Variants in PPFIA2 observed in about 807,000 individuals in gnomAD.
The protein encoded by PPFIA2 is liprin-alpha-2.
Under a neutral mutation model 175.5 loss-of-function variants are expected in PPFIA2, and 46 were observed. The observed-to-expected ratio is 0.26, with a 90% CI of 0.21 to 0.34. PPFIA2 has a LOEUF of 0.34. PPFIA2 is among the 10% of genes least tolerant of loss of function. The probability of loss-of-function intolerance (pLI) is 1.00; values close to 1 mark genes in which losing one functional copy is unlikely to be tolerated. For missense variants in PPFIA2, 1,179 were observed against 1,506.1 expected, an observed-to-expected ratio of 0.78 and a Z score of 3.60; for synonymous variants, 568 against 511.4, an observed-to-expected ratio of 1.11 and a Z score of -1.49.
At chr12:81,530,146 T>C (rs1594557271) in intron 4 of PPFIA2, among the ~76,000 whole-genome samples, 1 of 152,136 alleles carries the variant, frequency 6.6e-6, no homozygotes, top group Middle Eastern at 3.4e-3. Context: ...CTTCATGCAT[T>C]GTCTGTCACT....
intron 3 of PPFIA2, among the ~76,000 whole-genome samples, chr12:81,711,035 A>T (rs893493537): frequency 6.6e-6 from 1 of 151,190 alleles, no homozygotes; most frequent in East Asian, 2.0e-4. Context: ...GTTCAAGACC[A>T]GCTTGGAAAC....
intron 4 of PPFIA2, among the ~76,000 whole-genome samples, chr12:81,519,614 A>C (rs1234818766): frequency 6.6e-6 from 1 of 152,206 alleles, no homozygotes; most frequent in Admixed American, 6.5e-5. Flanking sequence ...TAAGTGACCT[A>C]CAATATATCA....
chr12:81,429,015 C>G (rs2047633536), intron 7 of PPFIA2, among the ~76,000 whole-genome samples: 1 of 151,882 alleles, frequency 6.6e-6, no homozygotes, highest in African/African-American at 2.4e-5. Flanking sequence ...AACAAACAAA[C>G]AAAAAATCTC....
chr12:81,282,886 C>A, intron 26 of PPFIA2, 124 bp downstream of exon 26: 1 of 716,122 alleles, frequency 1.4e-6, no homozygotes, highest in Non-Finnish European at 2.4e-6. Context: ...TTTACCTATA[C>A]ACATCAGCCT....
chr12:81,521,814 T>C (rs2063180323), intron 4 of PPFIA2, among the ~76,000 whole-genome samples: 1 of 144,706 alleles, frequency 6.9e-6, no homozygotes, highest in South Asian at 2.2e-4. Context: ...AGCAACTCCA[T>C]CTCACAAAAA....
At chr12:81,728,004 A>T (rs1236922733) in intron 3 of PPFIA2, among the ~76,000 whole-genome samples, 1 of 151,480 alleles carries the variant, frequency 6.6e-6, no homozygotes, top group Non-Finnish European at 1.5e-5. Flanking sequence ...AAAGGAGACT[A>T]AAACAAATGC....
chr12:81,624,193 T>C (rs916084838), intron 4 of PPFIA2, among the ~76,000 whole-genome samples: 3 of 151,702 alleles, frequency 2.0e-5, no homozygotes, highest in African/African-American at 7.3e-5. Flanking sequence ...AAACCTTGTA[T>C]ATATAATCCA....
chr12:81,487,693 T>A (rs2058981642), intron 4 of PPFIA2, among the ~76,000 whole-genome samples: 1 of 151,720 alleles, frequency 6.6e-6, no homozygotes, highest in Non-Finnish European at 1.5e-5. Flanking sequence ...TCAGGCCCAC[T>A]CTTAGGATTC....
At chr12:81,385,390 A>T (rs1411162505) in intron 8 of PPFIA2, among the ~76,000 whole-genome samples, 4 of 152,152 alleles carry the variant, frequency 2.6e-5, no homozygotes, top group African/African-American at 9.6e-5. Flanking sequence ...TGTGGAAGAG[A>T]TATCTGCACT....
At chr12:81,280,174 C>T (rs951364520) in intron 27 of PPFIA2, among the ~76,000 whole-genome samples, 11 of 152,130 alleles carry the variant, frequency 7.2e-5, no homozygotes, top group Non-Finnish European at 1.5e-5. Flanking sequence ...TAAACACAGT[C>T]TAAACATGCC....
At chr12:81,326,799 CTTTT>C (rs2054878094) in intron 21 of PPFIA2, among the ~76,000 whole-genome samples, 3 of 151,866 alleles carry the variant, frequency 2.0e-5, no homozygotes, top group Non-Finnish European at 4.4e-5. Flanking sequence ...AAGGTATATA[CTTTT>C]TTTAATAAAA....
intron 4 of PPFIA2, among the ~76,000 whole-genome samples, chr12:81,665,838 T>C (rs2070113926): frequency 6.6e-6 from 1 of 151,856 alleles, no homozygotes; most frequent in Non-Finnish European, 1.5e-5. Flanking sequence ...ACCTACAGAA[T>C]GGGAGAAAAT....
intron 30 of PPFIA2, among the ~76,000 whole-genome samples, chr12:81,265,751 T>C (rs569855460): frequency 1.3e-5 from 2 of 152,304 alleles, no homozygotes; most frequent in South Asian, 4.1e-4. Flanking sequence ...TTCATTACTA[T>C]TAAGAAGCTA....
chr12:81,447,252 C>A (rs2051466449), intron 5 of PPFIA2, among the ~76,000 whole-genome samples: 1 of 152,102 alleles, frequency 6.6e-6, no homozygotes, highest in Non-Finnish European at 1.5e-5. Flanking sequence ...CTCTCAAATT[C>A]TTTAGATACA....
At chr12:81,731,567 T>C (rs2080914995) in intron 3 of PPFIA2, among the ~76,000 whole-genome samples, 1 of 151,680 alleles carries the variant, frequency 6.6e-6, no homozygotes, top group African/African-American at 2.4e-5. Context: ...ACATTTGCTT[T>C]TAAAGACACT....
At chr12:81,553,021 T>A (rs974536463) in intron 4 of PPFIA2, among the ~76,000 whole-genome samples, 22 of 141,852 alleles carry the variant, frequency 1.6e-4, no homozygotes, top group African/African-American at 6.5e-4. Flanking sequence ...CAAAGACCGA[T>A]TTTTTTTTCC....
At chr12:81,398,960 T>G (rs115279920) in intron 8 of PPFIA2, among the ~76,000 whole-genome samples, 14,086 of 152,056 alleles carry the variant, frequency 0.093, 849 homozygotes, top group Middle Eastern at 0.16. Flanking sequence ...ATTTGTTGGG[T>G]GAGTGGGTCC....
At chr12:81,551,798 C>T (rs775239979) in intron 4 of PPFIA2, among the ~76,000 whole-genome samples, 6 of 151,848 alleles carry the variant, frequency 4.0e-5, no homozygotes, top group East Asian at 1.9e-4. Context: ...TATCCTTTTA[C>T]GACCTCCTTA....
chr12:81,655,120 T>C (rs1023928335), intron 4 of PPFIA2, among the ~76,000 whole-genome samples: 1 of 152,076 alleles, frequency 6.6e-6, no homozygotes, highest in Non-Finnish European at 1.5e-5. Context: ...TATCGTCTTA[T>C]CTTTGATTGT....
Sources: allele counts gnomAD v4.1 joint callset (sites outside exome capture counted in the v4.1 genomes callset), GRCh38; gene constraint gnomAD v4.1.1; transcripts MANE v1.5; gene names NCBI Gene and HGNC (gene_info 2026-07-23, HGNC 2026-07-21).